STX1A: variants seen among roughly 807,000 people sequenced by gnomAD.
STX1A encodes syntaxin-1A.
In STX1A, 4 loss-of-function variants were observed where a neutral mutation model predicts 37.8. The observed-to-expected ratio is 0.11, with a 90% CI of 0.05 to 0.24. The LOEUF (loss-of-function observed/expected upper bound fraction) is 0.24, where lower values mean the gene tolerates loss of function less well. Among genes scored for constraint, STX1A ranks in the 10% least tolerant of loss-of-function variants. The pLI is 1.00. For missense variants in STX1A, 251 were observed against 399.9 expected (o/e 0.63, Z 3.18); for synonymous variants, 135 against 147.4 (o/e 0.92, Z 0.61).
rs782690751 is a variant in STX1A at position 73,700,419 on chromosome 7, G to A, written c.855C>T (p.Gly285=). ...LGIVIASTVG[G]IFA ...GTTTGGGTGGCTTCTAGGCGAAGATGCCCCCAACAGTGGAGGCGATGACGA... is the reference window on the plus strand; with the variant it reads ...GTTTGGGTGGCTTCTAGGCGAAGATACCCCCAACAGTGGAGGCGATGACGA... The change falls in exon 10 of 10, where the codon GGC becomes GGT. Residue 285 remains glycine, a synonymous_variant. Transcript: ENST00000222812. This position sits in a 1 kb window ranked among gnomAD's most constrained non-coding sequence, Gnocchi z 4.4. 3.1e-6 allele frequency: 5 copies of A among 1,614,054 alleles called. No individual in the cohort carries two copies. The highest frequency in any genetic ancestry group is 1.1e-5 in the South Asian group (1 of 91,080).
chr7:73,700,505 A>G lies in STX1A; in HGVS notation c.790-21T>C. 1 of 1,613,212 alleles carries G rather than the reference A, an allele frequency of 6.2e-7. No homozygotes were observed. Among genetic ancestry groups the G allele is most frequent in the Non-Finnish European group, 8.5e-7 (1 of 1,179,656 alleles). ...TTCTTCTGCATGGGAAGCGGGCAGG[A>G]GAGGCCTCAGACAGTGTTGGCGGCA... On this transcript the variant is annotated intron_variant, in intron 9 of 9. Transcript: ENST00000222812. This position sits in a 1 kb window ranked among gnomAD's most constrained non-coding sequence, Gnocchi z 4.4.
Position 73,700,977 on chromosome 7 carries a change from A to C in STX1A, c.679-137T>G. 1.3e-6 allele frequency: 2 copies of C among 1,498,164 alleles called. No homozygotes were observed. Among genetic ancestry groups the C allele is most frequent in the Non-Finnish European group, 1.8e-6 (2 of 1,122,386 alleles). 92.8% of individuals were successfully genotyped at this position (1,498,164 alleles called of 1,614,324 possible). On this transcript the variant is annotated intron_variant, in intron 8 of 9. Coordinates refer to ENST00000222812, the MANE Select transcript of STX1A (RefSeq NM_004603.4). This position sits in a 1 kb window ranked among gnomAD's most constrained non-coding sequence, Gnocchi z 4.4. ...TGAGGAGGTTAGGGTACAGCTTCTC[A>C]CCTGGGCCAGGTACCCTGGGTGGGG...
rs1209881770 is a variant in STX1A at position 73,703,743 on chromosome 7, G to A, written c.540+12C>T. 2 of 1,612,260 alleles carry A rather than the reference G, an allele frequency of 1.2e-6. No individual in the cohort carries two copies. Among genetic ancestry groups the A allele is most frequent in the South Asian group, 1.1e-5 (1 of 90,894 alleles). ...AGGGGGTCATGGCAGGAGGGATGGG[G>A]CCTACACTCACCCCAGAGGCAAAGA... On this transcript the variant is annotated intron_variant, in intron 7 of 9. Transcript: ENST00000222812.
chr7:73,708,544 G>T (rs548922870), intron 3 of STX1A, 45 bp downstream of exon 3: 3 of 1,576,544 alleles, frequency 1.9e-6, no homozygotes, highest in East Asian at 2.3e-5. Context: ...GCCCCTTCCC[G>T]AGGCTTGTGG....
rs1339384162 is a variant in STX1A at position 73,700,235 on chromosome 7, C to T, written c.*172G>A. On this transcript the variant is annotated 3_prime_UTR_variant, in exon 10 of 10. Coordinates refer to ENST00000222812, the MANE Select transcript of STX1A (RefSeq NM_004603.4). This position sits in a 1 kb window ranked among gnomAD's most constrained non-coding sequence, Gnocchi z 4.4. ...GACGCACACTCACAGAGATCATGCACACGACACGGGGCGGGGACGGAGGGC... is the reference window on the plus strand; with the variant it reads ...GACGCACACTCACAGAGATCATGCATACGACACGGGGCGGGGACGGAGGGC... The T allele has an allele frequency of 1.5e-6, 1 of 653,242 alleles. No individual in the cohort carries two copies. The allele number at this position is 653,242 out of a possible 1,614,324, so 40.5% of individuals were successfully genotyped here. A position where few individuals can be genotyped will look rare whatever the true frequency, so the allele number is the denominator to read the frequency against.
chr7:73,703,694 G>T, intron 7 of STX1A, 61 bp downstream of exon 7: 4 of 1,571,498 alleles, frequency 2.5e-6, no homozygotes, highest in Non-Finnish European at 3.5e-6. Context: ...AGCACTAGGG[G>T]TCATGGACGT....
chr7:73,718,375 T>C (rs1206591500), intron 1 of STX1A, among the ~76,000 whole-genome samples: 2 of 151,872 alleles, frequency 1.3e-5, no homozygotes, highest in African/African-American at 2.4e-5. Context: ...AACCATGACA[T>C]AATGGGGCAG....
At chr7:73,703,130 C>T (rs951498199) in intron 7 of STX1A, 148 bp from the exon 8 acceptor site, 18 of 678,202 alleles carry the variant, frequency 2.7e-5, no homozygotes, top group Non-Finnish European at 3.9e-5. Context: ...CGCCTTGCTA[C>T]CTGGCTCTGC....
chr7:73,704,484 C>T (rs1798797555), intron 4 of STX1A, 61 bp from the exon 5 acceptor site: 6 of 1,597,906 alleles, frequency 3.8e-6, no homozygotes, highest in Non-Finnish European at 5.1e-6. Flanking sequence ...CCCCTACCCG[C>T]ACACCCAGCA....
Position 73,702,579 on chromosome 7 carries a change from CAG to C in STX1A, c.678+264_678+265del. On this transcript the variant is annotated intron_variant, in intron 8 of 9. Coordinates refer to ENST00000222812, the MANE Select transcript of STX1A (RefSeq NM_004603.4). The surrounding 1 kb of genome is among the most constrained non-coding windows in gnomAD (Gnocchi z 4.7). ...GGCCCACAGTGGCCCCATGAGGAAA[CAG>C]TAGTAGGGGAATGAGAGACGGCGGG... 9.6e-7 allele frequency: 1 copy of C among 1,037,934 alleles called. No homozygotes were observed. The highest frequency in any genetic ancestry group is 1.3e-6 in the Non-Finnish European group (1 of 747,228). 64.3% of individuals were successfully genotyped at this position (1,037,934 alleles called of 1,614,324 possible).
At position 73,702,979 on chromosome 7, in the gene STX1A, T is replaced by C. The variant is rs1798717512; in HGVS notation, c.544A>G (p.Ile182Val). The C allele has an allele frequency of 6.4e-7, 1 of 1,572,534 alleles. No homozygotes were observed. The highest frequency in any genetic ancestry group is 1.1e-5 in the South Asian group (1 of 89,700). ...TGCTTCGAGATGCTGGAGTCCATGA[T>C]GATCTGGGGGTGGGAGCAGGGGGCT... ...GNPAIFASGI[I>V]MDSSISKQAL... The change falls in exon 8 of 10, where the codon ATC becomes GTC. Residue 182 changes from isoleucine to valine, a missense_variant. Transcript: ENST00000222812. This position sits in a 1 kb window ranked among gnomAD's most constrained non-coding sequence, Gnocchi z 4.7.
rs1225699810 is a variant in STX1A at position 73,709,309 on chromosome 7, C to T, written c.31-187G>A. ...TAAGATCTGGAGGACCACTGGGGGC[C>T]CGGCACAGAGAGAGGAACCTTGCCT... On this transcript the variant is annotated intron_variant, in intron 1 of 9. Transcript: ENST00000222812. This position sits in a 1 kb window ranked among gnomAD's most constrained non-coding sequence, Gnocchi z 4.2. Among the ~76,000 whole-genome samples the T allele has an allele frequency of 6.6e-6, 1 of 152,076 alleles. No individual in the cohort carries two copies. Among genetic ancestry groups the T allele is most frequent in the Admixed American group, 6.5e-5 (1 of 15,274 alleles).
In STX1A at chr7:73,706,524, G is replaced by A. The variant is rs1475148219; in HGVS notation, c.209-1300C>T. On this transcript the variant is annotated intron_variant, in intron 3 of 9. Transcript: ENST00000222812. The surrounding 1 kb of genome is among the most constrained non-coding windows in gnomAD (Gnocchi z 4.6). ...GCCCCCTCCTCTTAGCGAGAGCCTGGGACTCCGCCAGGTCTCAACTGCTCA... is the reference window on the plus strand; with the variant it reads ...GCCCCCTCCTCTTAGCGAGAGCCTGAGACTCCGCCAGGTCTCAACTGCTCA... 1.3e-5 allele frequency among the ~76,000 whole-genome samples: 2 copies of A among 152,088 alleles called. No homozygotes were observed. The highest frequency in any genetic ancestry group is 4.8e-5 in the African/African-American group (2 of 41,410).
rs1252309112 is a variant in STX1A at position 73,699,501 on chromosome 7, G to GCCCTC, written c.*901_*905dup. The GCCCTC allele has an allele frequency of 6.5e-6, 1 of 152,706 alleles. No individual in the cohort carries two copies. The highest frequency in any genetic ancestry group is 2.4e-5 in the African/African-American group (1 of 41,456). The allele number at this position is 152,706 out of a possible 1,614,324, so 9.5% of individuals were successfully genotyped here. A position where few individuals can be genotyped will look rare whatever the true frequency, so the allele number is the denominator to read the frequency against. ...CCAAGGTGGTGAGGAGGAGGAGGTA[G>GCCCTC]CCCTCCCCGGCTGGCTGCCGAATAC... On this transcript the variant is annotated 3_prime_UTR_variant, in exon 10 of 10. Transcript: ENST00000222812.
intron 6 of STX1A, 83 bp downstream of exon 6, chr7:73,704,065 C>A (rs1798774341): frequency 6.9e-7 from 1 of 1,448,296 alleles, no homozygotes; most frequent in Admixed American, 2.0e-5. Flanking sequence ...TAAGCAGCAG[C>A]CTTGAGCCAC....
chr7:73,704,670 G>A, intron 4 of STX1A: 1 of 576,542 alleles, frequency 1.7e-6, no homozygotes, highest in East Asian at 2.9e-5. Flanking sequence ...GTGAGGTCTG[G>A]TAGCTCCGGC....
At position 73,715,568 on chromosome 7, in the gene STX1A, G is replaced by C. The variant is rs1423990160; in HGVS notation, c.30+4034C>G. Among the ~76,000 whole-genome samples the C allele has an allele frequency of 3.3e-5, 5 of 152,126 alleles. No homozygotes were observed. In the East Asian group the frequency reaches 9.6e-4, roughly 29 times the overall value. On this transcript the variant is annotated intron_variant, in intron 1 of 9. Transcript: ENST00000222812. ...AGCTGGATGCCCTGAGCTTCCCCTGGCAGAGGTGGGGCAGCCCTGGTGGTC... is the reference window on the plus strand; with the variant it reads ...AGCTGGATGCCCTGAGCTTCCCCTGCCAGAGGTGGGGCAGCCCTGGTGGTC...
In STX1A at chr7:73,703,713, T is replaced by C. The variant is rs73702568; in HGVS notation, c.540+42A>G. The C allele has an allele frequency of 3.2e-3, 5,138 of 1,599,100 alleles. 141 individuals carry two copies. The African/African-American group carries it at 0.056, about 17-fold the overall frequency. ...CTAGGGGTCATGGACGTAGGGAACATGGTGAGGGGGTCATGGCAGGAGGGA... is the reference window on the plus strand; with the variant it reads ...CTAGGGGTCATGGACGTAGGGAACACGGTGAGGGGGTCATGGCAGGAGGGA... On this transcript the variant is annotated intron_variant, in intron 7 of 9. Coordinates refer to ENST00000222812, the MANE Select transcript of STX1A (RefSeq NM_004603.4).
At chr7:73,703,944 C>A in intron 6 of STX1A, 116 bp from the exon 7 acceptor site, 1 of 1,228,178 alleles carries the variant, frequency 8.1e-7, no homozygotes, top group South Asian at 1.5e-5. Context: ...AGCTCAGCGG[C>A]AGCCTCAGGC....
Sources: allele counts gnomAD v4.1 joint callset (sites outside exome capture counted in the v4.1 genomes callset), GRCh38; gene constraint gnomAD v4.1.1; non-coding constraint Gnocchi (gnomAD v3.1); transcripts MANE v1.5; gene names NCBI Gene and HGNC (gene_info 2026-07-23, HGNC 2026-07-21).